Variants in MYO15B observed in about 807,000 individuals in gnomAD.
MYO15B encodes myosin XVB pseudogene.
Under a neutral mutation model 119.3 loss-of-function variants are expected in MYO15B, and 207 were observed. That is an observed-to-expected ratio of 1.73 (90% CI 1.55 to 1.95). The LOEUF (loss-of-function observed/expected upper bound fraction) is 1.95. Among genes scored for constraint, MYO15B ranks in the 30% most tolerant of loss-of-function variants. MYO15B has a pLI of 0.00. For synonymous variants in MYO15B, 966 were observed against 498.9 expected (o/e 1.94, Z -12.48); for missense variants, 2,264 against 1,203.1 (o/e 1.88, Z -13.04).
chr17:75,619,459 C>T (rs974067714), exon 45 of MYO15B: 31 of 702,428 alleles, frequency 4.4e-5, no homozygotes, highest in Admixed American at 4.0e-4. Context: ...TTACTTCTCC[C>T]GCTTCTTTCC....
At chr17:75,617,866 G>C (rs1469410050) in exon 42 of MYO15B, 1 of 702,814 alleles carries the variant, frequency 1.4e-6, no homozygotes, top group African/African-American at 1.7e-5. Flanking sequence ...CGCGCCCTCT[G>C]GCAGCGTGTG....
At chr17:75,597,551 G>A (rs2056947250) in intron 14 of MYO15B, among the ~76,000 whole-genome samples, 1 of 152,200 alleles carries the variant, frequency 6.6e-6, no homozygotes, top group Non-Finnish European at 1.5e-5. Flanking sequence ...CTGTGCTAAG[G>A]ATAAAAGGTG....
exon 15 of MYO15B, chr17:75,601,463 A>G (rs11871553): frequency 0.25 from 174,780 of 702,866 alleles, 23,747 homozygotes; most frequent in Middle Eastern, 0.3. Context: ...TTCCTCCAGA[A>G]GAGCCACTAT....
chr17:75,623,377 C>T (rs1598932292), intron 53 of MYO15B, among the ~76,000 whole-genome samples: 1 of 152,228 alleles, frequency 6.6e-6, no homozygotes, highest in Middle Eastern at 3.4e-3. Flanking sequence ...ATCTGTAATC[C>T]CAGCACTTTG....
exon 38 of MYO15B, chr17:75,616,317 C>A: frequency 1.7e-6 from 1 of 605,238 alleles, no homozygotes; most frequent in Non-Finnish European, 2.9e-6. Flanking sequence ...TGCAGGGCAG[C>A]CACAGATCAC....
In MYO15B at chr17:75,624,880, C is replaced by A. The variant is rs575992558; in HGVS notation, c.8652C>A (p.Phe2884Leu). 8.5e-6 allele frequency: 6 copies of A among 703,034 alleles called. No individual in the cohort carries two copies. The South Asian group carries it at 8.9e-5, about 10-fold the overall frequency. The allele number at this position is 703,034 out of a possible 1,614,324, so 43.5% of individuals were successfully genotyped here. ...TCCACTGGGAGACCCCACTGCACTT[C>A]GATAACTCCACCTACATCAGCACCC... Residue 2884 changes from phenylalanine to leucine, a missense_variant, in exon 59 of 64, where the codon TTC (phenylalanine) becomes TTA (leucine). Transcript: ENST00000645453.
At position 75,615,341 on chromosome 17, in the gene MYO15B, A is replaced by T. The variant is rs2058301146; in HGVS notation, c.5740+3A>T. 1 of 701,756 alleles carries T rather than the reference A, an allele frequency of 1.4e-6. No homozygotes were observed. The highest frequency in any genetic ancestry group is 1.5e-5 in the South Asian group (1 of 67,510). The allele number at this position is 701,756 out of a possible 1,614,324, so 43.5% of individuals were successfully genotyped here. ...GGGCACAGTCCCTGCCATGCCAGGTAAGTCTGGGCTGGGGGCACCAGAGTC... is the reference window on the plus strand; with the variant it reads ...GGGCACAGTCCCTGCCATGCCAGGTTAGTCTGGGCTGGGGGCACCAGAGTC... On this transcript the variant is annotated splice_donor_region_variant and intron_variant, in intron 34 of 63. Transcript: ENST00000645453.
chr17:75,617,540 T>C (rs2058448286), intron 41 of MYO15B: 2 of 480,576 alleles, frequency 4.2e-6, no homozygotes, highest in Non-Finnish European at 7.5e-6. Context: ...CAGGGTGTTG[T>C]CCCTGACACA....
intron 52 of MYO15B, 155 bp from the exon 53 acceptor site, chr17:75,621,849 G>A (rs1301513119): frequency 1.6e-5 from 10 of 618,298 alleles, no homozygotes; most frequent in African/African-American, 1.8e-5. Flanking sequence ...GTTTCCCCAT[G>A]AGTCGAGCTG....
At chr17:75,611,505 A>T (rs1201135033) in intron 23 of MYO15B, 96 bp from the exon 24 acceptor site, 1 of 638,598 alleles carries the variant, frequency 1.6e-6, no homozygotes, top group Non-Finnish European at 2.8e-6. Context: ...GGTCTTTGGA[A>T]GGGATGTTTA....
intron 52 of MYO15B, chr17:75,621,771 T>C: frequency 3.3e-6 from 2 of 601,038 alleles, no homozygotes; most frequent in Non-Finnish European, 6.0e-6. Flanking sequence ...AGTCTGGGGT[T>C]GGAAGGCAGT....
At chr17:75,588,469 C>A (rs1188962333) in exon 1 of MYO15B, 4 of 398,312 alleles carry the variant, frequency 1.0e-5, no homozygotes, top group African/African-American at 2.1e-5. Flanking sequence ...CTCGGCTCGG[C>A]GGGGCCGCCG....
In MYO15B at chr17:75,620,363, G is replaced by A. The variant is rs1345384939; in HGVS notation, c.7555+6G>A. On this transcript the variant is annotated splice_donor_region_variant and intron_variant, in intron 48 of 63. Coordinates refer to ENST00000645453, the Ensembl canonical transcript of MYO15B. ...GGTGGCCACCCTGGAGCCAGGTATC[G>A]CCAGAGGCCGGCAGGGGCTCACACA... is the stretch of plus-strand genomic sequence containing the variant. The A allele has an allele frequency of 1.1e-5, 8 of 702,922 alleles. No individual in the cohort carries two copies. In the Admixed American group the frequency reaches 1.2e-4, roughly 11 times the overall value. 43.5% of individuals were successfully genotyped at this position (702,922 alleles called of 1,614,324 possible).
rs370194160 is a variant in MYO15B, at chr17:75,621,417, G to C, written c.7935+9G>C. 26 of 699,792 alleles carry C rather than the reference G, an allele frequency of 3.7e-5. No individual in the cohort carries two copies. The highest frequency in any genetic ancestry group is 6.0e-5 in the Non-Finnish European group (23 of 382,484). The allele number at this position is 699,792 out of a possible 1,614,324, so 43.3% of individuals were successfully genotyped here. ...TGGTGCAGTACACCAAGGTGGGAGAGAGGCAGGGAGGGGTCTGGCCCGTAG... is the reference window on the plus strand; with the variant it reads ...TGGTGCAGTACACCAAGGTGGGAGACAGGCAGGGAGGGGTCTGGCCCGTAG... On this transcript the variant is annotated intron_variant, in intron 51 of 63. Coordinates refer to ENST00000645453, the Ensembl canonical transcript of MYO15B.
chr17:75,592,728 G>C, exon 9 of MYO15B: 1 of 702,332 alleles, frequency 1.4e-6, no homozygotes, highest in East Asian at 2.7e-5. Context: ...GACTTTGAGG[G>C]GCTGCTGAAG....
At chr17:75,619,038 G>A (rs1321275711) in intron 43 of MYO15B, 105 bp from the exon 44 acceptor site, 8 of 675,888 alleles carry the variant, frequency 1.2e-5, no homozygotes, top group African/African-American at 3.5e-5. Context: ...GGGCCAGGGC[G>A]CCCTCCATCG....
At chr17:75,592,780 C>T (rs371902034) in exon 9 of MYO15B, 7 of 702,894 alleles carry the variant, frequency 1.0e-5, no homozygotes, top group Middle Eastern at 2.3e-4. Flanking sequence ...AGTTGAATGC[C>T]GTCTGGGCTG....
exon 32 of MYO15B, chr17:75,614,817 A>G: frequency 1.4e-6 from 1 of 702,776 alleles, no homozygotes; most frequent in Non-Finnish European, 2.6e-6. Context: ...CCTGGACCAG[A>G]TCTTCCAGCC....
chr17:75,600,210 G>A (rs936519383), intron 14 of MYO15B, among the ~76,000 whole-genome samples: 6 of 151,598 alleles, frequency 4.0e-5, no homozygotes, highest in African/African-American at 1.5e-4. Flanking sequence ...GTATTTTTTA[G>A]TAAAGACGGG....
Sources: allele counts gnomAD v4.1 joint callset (sites outside exome capture counted in the v4.1 genomes callset), GRCh38; gene constraint gnomAD v4.1.1; transcripts MANE v1.5; gene names NCBI Gene and HGNC (gene_info 2026-07-23, HGNC 2026-07-21).